The following PAX5 variants were observed in gnomAD, a reference collection of about 807,000 sequenced individuals.
PAX5 encodes the protein paired box 5, also known as paired box protein Pax-5.
A neutral mutation model predicts 43.7 loss-of-function variants in PAX5; 9 were observed. The observed-to-expected ratio is 0.21, with a 90% CI of 0.12 to 0.36. The LOEUF (loss-of-function observed/expected upper bound fraction) is 0.36. Ranked by LOEUF, PAX5 falls within the 10% of genes least tolerant of loss-of-function variation. PAX5 has a pLI of 1.00. For synonymous variants in PAX5, 228 were observed against 214.3 expected (o/e 1.06, Z -0.56); for missense variants, 383 against 532.7 (o/e 0.72, Z 2.77).
rs1414637661 is a variant in PAX5, at chr9:36,882,928, A to G, written c.911-823T>C. Among the ~76,000 whole-genome samples, 1 of 152,240 alleles carries G rather than the reference A, an allele frequency of 6.6e-6. No homozygotes were observed. Among genetic ancestry groups the G allele is most frequent in the Non-Finnish European group, 1.5e-5 (1 of 68,042 alleles). ...GCTCCATCACGCAGAGGAAAATTCAATTGCACAGTTTTGATGGGTGTGCAT... is the reference window on the plus strand; with the variant it reads ...GCTCCATCACGCAGAGGAAAATTCAGTTGCACAGTTTTGATGGGTGTGCAT... On this transcript the variant is annotated intron_variant, in intron 7 of 9. Coordinates refer to ENST00000358127, the MANE Select transcript of PAX5 (RefSeq NM_016734.3). The surrounding 1 kb of genome is among the most constrained non-coding windows in gnomAD (Gnocchi z 4.4).
intron 8 of PAX5, among the ~76,000 whole-genome samples, chr9:36,852,956 T>G (rs767279088): frequency 6.6e-6 from 1 of 152,170 alleles, no homozygotes. Context: ...GGAAATCTTC[T>G]CATCACATCC....
chr9:36,956,575 G>A lies in PAX5; in HGVS notation c.780+9974C>T, dbSNP rs1316963159. ...GCTTTTCACTATGGCAATTTGCCCA[G>A]TATTCCCTCAAACATCCCCCTCCCT... is the stretch of plus-strand genomic sequence containing the variant. On this transcript the variant is annotated intron_variant, in intron 6 of 9. Coordinates refer to ENST00000358127, the MANE Select transcript of PAX5 (RefSeq NM_016734.3). 1.7e-4 allele frequency among the ~76,000 whole-genome samples: 26 copies of A among 152,154 alleles called. 1 individual carries two copies. Among genetic ancestry groups the A allele is most frequent in the Non-Finnish European group, 1.2e-4 (8 of 68,030 alleles).
At chr9:37,004,820 C>A (rs147064746) in intron 4 of PAX5, among the ~76,000 whole-genome samples, 3 of 152,182 alleles carry the variant, frequency 2.0e-5, no homozygotes, top group Non-Finnish European at 4.4e-5. Flanking sequence ...TTTGTGATTG[C>A]GCTAGGCTCA....
intron 5 of PAX5, among the ~76,000 whole-genome samples, chr9:36,972,771 T>C (rs962443318): frequency 4.6e-5 from 7 of 152,178 alleles, no homozygotes; most frequent in African/African-American, 1.4e-4. Context: ...CTTATGCCTA[T>C]AATCCCAGCA....
At chr9:36,948,189 C>T (rs1832710807) in intron 6 of PAX5, among the ~76,000 whole-genome samples, 1 of 152,170 alleles carries the variant, frequency 6.6e-6, no homozygotes, top group Non-Finnish European at 1.5e-5. Flanking sequence ...GTACGCACGC[C>T]AGGTTCCAGG....
intron 5 of PAX5, among the ~76,000 whole-genome samples, chr9:36,989,052 G>A (rs979655455): frequency 1.3e-5 from 2 of 152,188 alleles, no homozygotes; most frequent in African/African-American, 2.4e-5. Context: ...GTGACCAGCC[G>A]GCTGCGCTTG....
Position 37,034,220 on chromosome 9 carries a change from T to C in PAX5, c.-189A>G, listed in dbSNP as rs1841319947. 2 of 583,544 alleles carry C rather than the reference T, an allele frequency of 3.4e-6. No individual in the cohort carries two copies. The highest frequency in any genetic ancestry group is 3.0e-5 in the Admixed American group (1 of 32,890). The allele number at this position is 583,544 out of a possible 1,614,324, so 36.1% of individuals were successfully genotyped here. On this transcript the variant is annotated 5_prime_UTR_variant, in exon 1 of 10. Coordinates refer to ENST00000358127, the MANE Select transcript of PAX5 (RefSeq NM_016734.3). ...GATCACTGAGCTGAAACTAAACGTTTTAGGTGGAAAAAAAGCGTCCGAAGG... is the reference window on the plus strand; with the variant it reads ...GATCACTGAGCTGAAACTAAACGTTCTAGGTGGAAAAAAAGCGTCCGAAGG...
rs545686276 is a variant in PAX5, at chr9:36,972,094, G to A, written c.605-5370C>T. Among the ~76,000 whole-genome samples, 29 of 152,318 alleles carry A rather than the reference G, an allele frequency of 1.9e-4. 1 individual carries two copies. In the South Asian group the frequency reaches 5.8e-3, roughly 30 times the overall value. ...ACAGGAATCTCTGAAATCCCTCCTA[G>A]CATCATGGCTTTTGGGATGTAACCC... On this transcript the variant is annotated intron_variant, in intron 5 of 9. Transcript: ENST00000358127.
chr9:36,859,472 C>G (rs1214961642), intron 8 of PAX5, among the ~76,000 whole-genome samples: 1 of 152,154 alleles, frequency 6.6e-6, no homozygotes, highest in Non-Finnish European at 1.5e-5. Context: ...CTCCCTCCCT[C>G]CCCCTGCCAG....
At chr9:37,026,781 G>C (rs1840427646) in intron 1 of PAX5, 1 of 948,516 alleles carries the variant, frequency 1.1e-6, no homozygotes, top group Non-Finnish European at 1.3e-6. Flanking sequence ...TGGTGCTAGC[G>C]CACCCGGGCT....
At position 36,940,334 on chromosome 9, in the gene PAX5, C is replaced by T. The variant is rs968442233; in HGVS notation, c.781-16850G>A. Among the ~76,000 whole-genome samples the T allele has an allele frequency of 1.1e-4, 16 of 152,182 alleles. 1 individual carries two copies. Among genetic ancestry groups the T allele is most frequent in the Admixed American group, 9.2e-4 (14 of 15,280 alleles). On this transcript the variant is annotated intron_variant, in intron 6 of 9. Coordinates refer to ENST00000358127, the MANE Select transcript of PAX5 (RefSeq NM_016734.3). The stretch of plus-strand genomic sequence containing the variant: ...GTCATTTACATAATGGCATTTCTAT[C>T]GCACGCACCTAACCCATCTTGCATA...
chr9:36,914,478 C>A (rs1195630452), intron 7 of PAX5, among the ~76,000 whole-genome samples: 1 of 152,176 alleles, frequency 6.6e-6, no homozygotes, highest in Non-Finnish European at 1.5e-5. Context: ...ACGGGGAAAG[C>A]CCTGGACACC....
intron 5 of PAX5, among the ~76,000 whole-genome samples, chr9:36,991,440 G>A (rs570135316): frequency 1.3e-5 from 2 of 152,142 alleles, no homozygotes; most frequent in South Asian, 4.2e-4. Context: ...CTTGGCCAAG[G>A]TCACACAGCA....
intron 8 of PAX5, among the ~76,000 whole-genome samples, chr9:36,875,564 A>G (rs148940941): frequency 6.6e-6 from 1 of 152,150 alleles, no homozygotes; most frequent in Admixed American, 6.5e-5. Context: ...AAAAATGTCC[A>G]TATCATAAGC....
In PAX5 at chr9:36,882,166, A is replaced by AGGGAG; in HGVS notation, c.911-62_911-61insCTCCC. 2 of 1,362,830 alleles carry AGGGAG rather than the reference A, an allele frequency of 1.5e-6. No homozygotes were observed. Among genetic ancestry groups the AGGGAG allele is most frequent in the Non-Finnish European group, 2.0e-6 (2 of 989,194 alleles). The allele number at this position is 1,362,830 out of a possible 1,614,324, so 84.4% of individuals were successfully genotyped here. On this transcript the variant is annotated intron_variant, in intron 7 of 9. Transcript: ENST00000358127. The surrounding 1 kb of genome is among the most constrained non-coding windows in gnomAD (Gnocchi z 4.4). ...TCTTCGCGGCCAGCCGCTCATGTCC[A>AGGGAG]CAGCTCCCTGGACGCTTCTGCACAT...
rs1487677375 is a variant in PAX5, at chr9:37,034,106, T to TTC, written c.-76_-75insGA. 166 of 770,448 alleles carry TTC rather than the reference T, an allele frequency of 2.2e-4. 2 individuals carry two copies. The African/African-American group carries it at 2.9e-3, about 14-fold the overall frequency. 47.7% of individuals were successfully genotyped at this position (770,448 alleles called of 1,614,324 possible). On this transcript the variant is annotated 5_prime_UTR_variant, in exon 1 of 10. Transcript: ENST00000358127. Reference sequence around the variant, plus strand: ...TTTGTGCCTTTTTTTTTCTTTTTTTTTTTTTTTTTTTTTTTTTTTTGGTGC... The same window carrying TTC: ...TTTGTGCCTTTTTTTTTCTTTTTTTTTCTTTTTTTTTTTTTTTTTTTTGGTGC...
intron 7 of PAX5, among the ~76,000 whole-genome samples, chr9:36,906,779 A>C (rs1563953473): frequency 6.6e-6 from 1 of 152,234 alleles, no homozygotes; most frequent in Non-Finnish European, 1.5e-5. Flanking sequence ...AGATTTTCAA[A>C]GCCGCATGTA....
At chr9:37,008,331 G>A (rs1838639509) in intron 3 of PAX5, among the ~76,000 whole-genome samples, 1 of 152,244 alleles carries the variant, frequency 6.6e-6, no homozygotes, top group Admixed American at 6.5e-5. Flanking sequence ...TGGGATTACA[G>A]GCGTGAGCCA....
At chr9:36,958,847 C>T (rs977513372) in intron 6 of PAX5, among the ~76,000 whole-genome samples, 3 of 152,240 alleles carry the variant, frequency 2.0e-5, no homozygotes, top group African/African-American at 7.2e-5. Flanking sequence ...GACCAGCCTA[C>T]TCCTCCCCCA....
Sources: gnomAD v4.1 joint callset for allele counts (sites outside exome capture counted in the v4.1 genomes callset) on GRCh38, gnomAD v4.1.1 for gene constraint, Gnocchi (gnomAD v3.1) non-coding constraint, MANE v1.5 for transcripts, NCBI Gene and HGNC (gene_info 2026-07-23, HGNC 2026-07-21) for gene names.